The following ERI1 variants were observed in gnomAD, a reference collection of about 807,000 sequenced individuals.
ERI1 encodes the protein exoribonuclease 1.
Under a neutral mutation model 39.7 loss-of-function variants are expected in ERI1, and 39 were observed. That is an observed-to-expected ratio of 0.98 (90% confidence interval 0.76 to 1.28). ERI1 has a LOEUF of 1.28. ERI1 is among the 50% of genes most tolerant of loss of function. ERI1 has a pLI of 0.00. For missense variants in ERI1, 581 were observed against 416.9 expected, an observed-to-expected ratio of 1.39 and a Z score of -3.43; for synonymous variants, 204 against 149.6, an observed-to-expected ratio of 1.36 and a Z score of -2.65.
rs1453948389 is a variant in ERI1 at position 9,030,352 on chromosome 8, G to A, written c.*318G>A. On this transcript the variant is annotated 3_prime_UTR_variant, in exon 7 of 7. Coordinates refer to ENST00000250263, the MANE Select transcript of ERI1 (RefSeq NM_153332.4). The stretch of plus-strand genomic sequence containing the variant: ...AATGCAAAATCTTATTGGCTGTTCT[G>A]TTGAATGTCATATCTTACTGGTGTT... 3.7e-6 allele frequency: 1 copy of A among 270,590 alleles called. No homozygotes were observed. Among genetic ancestry groups the A allele is most frequent in the East Asian group, 6.8e-5 (1 of 14,602 alleles). The allele number at this position is 270,590 out of a possible 1,614,324, so 16.8% of individuals were successfully genotyped here.
chr8:9,064,721 G>C (rs1289393397), intron 3 of ERI1, among the ~76,000 whole-genome samples: 1 of 152,062 alleles, frequency 6.6e-6, no homozygotes, highest in Non-Finnish European at 1.5e-5. Context: ...TCTTTTTCAC[G>C]GACCAAAGAG....
chr8:9,096,343 A>G (rs775340771), intron 3 of ERI1, among the ~76,000 whole-genome samples: 3 of 152,154 alleles, frequency 2.0e-5, no homozygotes, highest in Non-Finnish European at 4.4e-5. Context: ...AGGCTGGGGA[A>G]GAGTATGGCC....
chr8:9,043,972 T>A (rs1309170202), intron 3 of ERI1, among the ~76,000 whole-genome samples: 1 of 152,222 alleles, frequency 6.6e-6, no homozygotes, highest in Non-Finnish European at 1.5e-5. Context: ...AGCATGGTGT[T>A]TAAGGCTATA....
At chr8:9,077,818 G>A (rs542214384) in intron 3 of ERI1, among the ~76,000 whole-genome samples, 4 of 152,048 alleles carry the variant, frequency 2.6e-5, no homozygotes, top group South Asian at 2.1e-4. Flanking sequence ...TTGCCCCTCC[G>A]CAGGTACTCT....
chr8:9,099,055 G>A (rs1224532629), intron 3 of ERI1, among the ~76,000 whole-genome samples: 2 of 152,016 alleles, frequency 1.3e-5, no homozygotes, highest in East Asian at 3.9e-4. Flanking sequence ...GGCTGGTCTC[G>A]AACTCCTGAC....
chr8:9,064,079 G>T (rs1309770169), intron 3 of ERI1, among the ~76,000 whole-genome samples: 1 of 151,866 alleles, frequency 6.6e-6, no homozygotes, highest in Non-Finnish European at 1.5e-5. Context: ...AGAGGTTGGA[G>T]TGTGGAAATA....
chr8:9,067,275 A>G (rs2117415358), intron 3 of ERI1, among the ~76,000 whole-genome samples: 1 of 152,098 alleles, frequency 6.6e-6, no homozygotes, highest in Non-Finnish European at 1.5e-5. Context: ...ATCTGTATTA[A>G]GTTTTCTAGA....
chr8:9,049,760 A>G (rs191440567), intron 3 of ERI1: 3 of 152,356 alleles, frequency 2.0e-5, no homozygotes, highest in Admixed American at 2.0e-4. Flanking sequence ...CCCGCAAAAA[A>G]GAATACTAGC....
intron 3 of ERI1, among the ~76,000 whole-genome samples, chr8:9,051,040 C>T (rs1166638620): frequency 2.6e-5 from 4 of 151,804 alleles, no homozygotes; most frequent in Non-Finnish European, 4.4e-5. Context: ...AAAATGATAG[C>T]AGAAAGAATT....
chr8:9,076,297 T>G (rs923067196), intron 3 of ERI1, among the ~76,000 whole-genome samples: 35 of 152,322 alleles, frequency 2.3e-4, no homozygotes, highest in African/African-American at 7.9e-4. Context: ...ATACACAGTT[T>G]TGTCCCCTAA....
chr8:9,002,984 A>G lies in ERI1; in HGVS notation c.-80A>G, dbSNP rs1815528427. The G allele has an allele frequency of 2.0e-6, 2 of 1,014,696 alleles. No individual in the cohort carries two copies. Among genetic ancestry groups the G allele is most frequent in the Non-Finnish European group, 2.6e-6 (2 of 783,552 alleles). 62.9% of individuals were successfully genotyped at this position (1,014,696 alleles called of 1,614,324 possible). On this transcript the variant is annotated 5_prime_UTR_variant, in exon 1 of 7. Coordinates refer to ENST00000250263, the MANE Select transcript of ERI1 (RefSeq NM_153332.4). Reference sequence around the variant, plus strand: ...AGCCCGGTAATTTTTCAACGGAGAAAGGCGAGGCTTTCGGGCTCTGCAGAG... The same window carrying G: ...AGCCCGGTAATTTTTCAACGGAGAAGGGCGAGGCTTTCGGGCTCTGCAGAG...
intron 3 of ERI1, among the ~76,000 whole-genome samples, chr8:9,043,546 A>C (rs1250467396): frequency 6.6e-6 from 1 of 152,256 alleles, no homozygotes; most frequent in Non-Finnish European, 1.5e-5. Context: ...TGATAGGCAG[A>C]TGAGATGCAA....
At chr8:9,033,599 T>C (rs529770356), downstream of ERI1, among the ~76,000 whole-genome samples, 5 of 152,380 alleles carry the variant, frequency 3.3e-5, no homozygotes, top group South Asian at 8.3e-4. Flanking sequence ...CAGACATTTA[T>C]GGAGCACTGT....
chr8:9,057,341 A>G (rs988409849), intron 3 of ERI1, among the ~76,000 whole-genome samples: 1 of 152,090 alleles, frequency 6.6e-6, no homozygotes, highest in African/African-American at 2.4e-5. Context: ...AATTTTTTTC[A>G]GGTGCTTTGC....
chr8:9,025,391 C>A (rs1281657442), intron 6 of ERI1, among the ~76,000 whole-genome samples: 1 of 152,222 alleles, frequency 6.6e-6, no homozygotes, highest in African/African-American at 2.4e-5. Context: ...TTTTCTCCAG[C>A]TTCTTATAGG....
intron 4 of ERI1, among the ~76,000 whole-genome samples, chr8:9,017,982 T>C (rs1399226630): frequency 6.6e-6 from 1 of 152,208 alleles, no homozygotes; most frequent in Non-Finnish European, 1.5e-5. Flanking sequence ...AAGAGATTTC[T>C]CTTTTCCCTC....
intron 3 of ERI1, among the ~76,000 whole-genome samples, chr8:9,094,477 A>G (rs916889246): frequency 2.0e-5 from 3 of 152,040 alleles, no homozygotes; most frequent in African/African-American, 4.8e-5. Context: ...CCTCCCCACC[A>G]TCTGCCCCAC....
intron 3 of ERI1, among the ~76,000 whole-genome samples, chr8:9,039,823 T>A (rs1017631637): frequency 1.3e-5 from 2 of 152,210 alleles, no homozygotes; most frequent in African/African-American, 4.8e-5. Flanking sequence ...ATTTCCCATT[T>A]CATAAGATGA....
chr8:9,054,125 CCATGGAAAAG>C (rs1230767312), intron 3 of ERI1, among the ~76,000 whole-genome samples: 1 of 152,062 alleles, frequency 6.6e-6, no homozygotes, highest in Non-Finnish European at 1.5e-5. Flanking sequence ...AACTCTTTTA[CCATGGAAAAG>C]CAACATCAGG....
Sources: allele counts gnomAD v4.1 joint callset (sites outside exome capture counted in the v4.1 genomes callset), GRCh38; gene constraint gnomAD v4.1.1; transcripts MANE v1.5; gene names NCBI Gene and HGNC (gene_info 2026-07-23, HGNC 2026-07-21).